The following BBX variants were observed in gnomAD, a reference collection of about 807,000 sequenced individuals.
BBX encodes the protein BBX high mobility group box domain containing, also known as HMG box transcription factor BBX.
BBX carries 30 observed loss-of-function variants against 100.2 expected under a neutral mutation model. That is an observed-to-expected ratio of 0.30 (90% CI 0.22 to 0.41). BBX has a LOEUF of 0.41. BBX is among the 10% of genes least tolerant of loss of function. BBX has a pLI of 1.00. For synonymous variants in BBX, 376 were observed against 388.1 expected, an observed-to-expected ratio of 0.97 and a Z score of 0.37; for missense variants, 1,023 against 1,129.8, an observed-to-expected ratio of 0.91 and a Z score of 1.35.
chr3:107,620,336 A>G (rs2055647061), intron 2 of BBX, among the ~76,000 whole-genome samples: 2 of 152,222 alleles, frequency 1.3e-5, no homozygotes, highest in African/African-American at 2.4e-5. Flanking sequence ...GATGGCTGCT[A>G]TAAAATCTTT....
At chr3:107,778,771 A>G (rs527484998) in intron 13 of BBX, among the ~76,000 whole-genome samples, 2 of 151,876 alleles carry the variant, frequency 1.3e-5, no homozygotes, top group African/African-American at 2.4e-5. Context: ...AAGATGTTAC[A>G]CATGGTCTTC....
chr3:107,755,672 G>T lies in BBX; in HGVS notation c.900G>T (p.Leu300=). Residue 300 remains leucine (L), a synonymous_variant, in exon 10 of 18, where the codon CTG becomes CTT. Coordinates refer to ENST00000325805, the MANE Select transcript of BBX (RefSeq NM_001142568.3). The stretch of plus-strand genomic sequence containing the variant: ...GTGGAAAGTCTGCACTCTTTCAACT[G>T]GCAGAGGCAAGTTCCTAAGAATATA... ...KRCGKSALFQ[L]AEMCLASEGM... 6.2e-7 allele frequency: 1 copy of T among 1,612,888 alleles called. No homozygotes were observed. Among genetic ancestry groups the T allele is most frequent in the Non-Finnish European group, 8.5e-7 (1 of 1,178,970 alleles).
intron 2 of BBX, among the ~76,000 whole-genome samples, chr3:107,636,910 CAT>C (rs1303822356): frequency 1.3e-5 from 2 of 152,114 alleles, no homozygotes; most frequent in African/African-American, 4.8e-5. Context: ...TAATGGAAAA[CAT>C]AATTTTAATT....
chr3:107,662,351 C>T (rs986087330), intron 3 of BBX, among the ~76,000 whole-genome samples: 3 of 152,012 alleles, frequency 2.0e-5, no homozygotes, highest in Non-Finnish European at 2.9e-5. Context: ...CTGACGGTGG[C>T]GGGTAATGAA....
chr3:107,650,129 A>G (rs1227223362), intron 3 of BBX, among the ~76,000 whole-genome samples: 2 of 152,164 alleles, frequency 1.3e-5, no homozygotes, highest in Non-Finnish European at 2.9e-5. Flanking sequence ...TAATTAATTT[A>G]GACTCCTTAA....
At chr3:107,608,973 T>C (rs1004019635) in intron 2 of BBX, among the ~76,000 whole-genome samples, 1 of 152,184 alleles carries the variant, frequency 6.6e-6, no homozygotes, top group Non-Finnish European at 1.5e-5. Context: ...TTTAGGTTTT[T>C]CAAAATATAT....
At chr3:107,736,434 A>G (rs866796963) in intron 7 of BBX, among the ~76,000 whole-genome samples, 1 of 151,112 alleles carries the variant, frequency 6.6e-6, no homozygotes, top group East Asian at 1.9e-4. Context: ...TTTTTTTTTT[A>G]ATTTAAAGAA....
chr3:107,605,932 A>G (rs1403051597), intron 2 of BBX, among the ~76,000 whole-genome samples: 1 of 152,146 alleles, frequency 6.6e-6, no homozygotes, highest in Non-Finnish European at 1.5e-5. Flanking sequence ...TTGCTGTTGG[A>G]TACTCATTGC....
chr3:107,642,363 T>A (rs1452849968), intron 2 of BBX, among the ~76,000 whole-genome samples: 1 of 152,228 alleles, frequency 6.6e-6, no homozygotes, highest in African/African-American at 2.4e-5. Flanking sequence ...ATAAGAATTG[T>A]ATCCATGTAA....
chr3:107,592,360 CAA>C lies in BBX; in HGVS notation c.-83-53454_-83-53453del, dbSNP rs398052177. On this transcript the variant is annotated intron_variant, in intron 2 of 17. Coordinates refer to ENST00000325805, the MANE Select transcript of BBX (RefSeq NM_001142568.3). ...TAGGTGATAGAGCGAGACCCTGTCT[CAA>C]AAAAAAAAAAAAAAAAAAAAAGGTG... 9.4e-3 allele frequency among the ~76,000 whole-genome samples: 707 copies of C among 74,886 alleles called. 3 individuals are homozygous for C. The highest frequency in any genetic ancestry group is 0.035 in the African/African-American group (663 of 18,956). The allele number at this position is 74,886 out of a possible 152,430, so 49.1% of individuals were successfully genotyped here. A position where few individuals can be genotyped will look rare whatever the true frequency, so the allele number is the denominator to read the frequency against.
intron 3 of BBX, among the ~76,000 whole-genome samples, chr3:107,704,602 A>G (rs1311414882): frequency 6.6e-6 from 1 of 152,186 alleles, no homozygotes; most frequent in Non-Finnish European, 1.5e-5. Flanking sequence ...TGAGAGTAAG[A>G]AGAGGCTAAA....
chr3:107,761,458 A>C (rs1176437004), intron 10 of BBX, among the ~76,000 whole-genome samples: 2 of 152,190 alleles, frequency 1.3e-5, no homozygotes, highest in East Asian at 1.9e-4. Context: ...AGGTGTGAGA[A>C]GATAAGAACT....
In BBX at chr3:107,767,705, A is replaced by C. The variant is rs573347987; in HGVS notation, c.907-4923A>C. Among the ~76,000 whole-genome samples the C allele has an allele frequency of 2.6e-5, 4 of 152,318 alleles. No homozygotes were observed. In the East Asian group the frequency reaches 7.7e-4, roughly 29 times the overall value. The stretch of plus-strand genomic sequence containing the variant: ...TGAATCCACAGAAAAGAAGAAGAAA[A>C]CAGGGAATTATCAAAGTCTCTCTGA... On this transcript the variant is annotated intron_variant, in intron 10 of 17. Coordinates refer to ENST00000325805, the MANE Select transcript of BBX (RefSeq NM_001142568.3).
intron 2 of BBX, among the ~76,000 whole-genome samples, chr3:107,548,346 G>A (rs778945341): frequency 5.9e-5 from 9 of 152,098 alleles, no homozygotes; most frequent in East Asian, 1.9e-4. Context: ...CGTGTTTAGC[G>A]TATCTGTGTT....
chr3:107,687,179 C>A (rs1225234351), intron 3 of BBX, among the ~76,000 whole-genome samples: 1 of 151,882 alleles, frequency 6.6e-6, no homozygotes, highest in South Asian at 2.1e-4. Context: ...TGACGGCTTA[C>A]AAAATTCAGC....
chr3:107,638,758 C>CAAA (rs59474146), intron 2 of BBX, among the ~76,000 whole-genome samples: 4 of 91,300 alleles, frequency 4.4e-5, no homozygotes, highest in Non-Finnish European at 8.3e-5. Flanking sequence ...ACTCCTCTAC[C>CAAA]AAAAAAAAAA....
chr3:107,555,385 T>A (rs1013751733), intron 2 of BBX, among the ~76,000 whole-genome samples: 2 of 152,194 alleles, frequency 1.3e-5, no homozygotes, highest in Non-Finnish European at 2.9e-5. Context: ...GAAGGTAATA[T>A]GCAAAGGGCT....
rs193155923 is a variant in BBX at position 107,766,141 on chromosome 3, G to A, written c.907-6487G>A. ...ATTAAGAGACTGAACATGCAAATAA[G>A]CACTAAAATGGAAAAAGGACCAAGG... On this transcript the variant is annotated intron_variant, in intron 10 of 17. Transcript: ENST00000325805. Among the ~76,000 whole-genome samples, 275 of 152,260 alleles carry A rather than the reference G, an allele frequency of 1.8e-3. 1 individual carries two copies. The highest frequency in any genetic ancestry group is 6.4e-3 in the African/African-American group (268 of 41,556).
intron 3 of BBX, among the ~76,000 whole-genome samples, chr3:107,648,051 T>C (rs775703743): frequency 3.3e-5 from 5 of 152,064 alleles, no homozygotes; most frequent in African/African-American, 4.8e-5. Flanking sequence ...GAAAGACTGA[T>C]AGGGAGAAAC....
Sources: allele counts gnomAD v4.1 joint callset (sites outside exome capture counted in the v4.1 genomes callset), GRCh38; gene constraint gnomAD v4.1.1; transcripts MANE v1.5; gene names NCBI Gene and HGNC (gene_info 2026-07-23, HGNC 2026-07-21).